Variants in NUP62 observed in about 807,000 individuals in gnomAD.
The protein encoded by NUP62 is nuclear pore glycoprotein p62.
For synonymous variants in NUP62, 305 were observed against 303.4 expected (o/e 1.01, Z -0.05); for missense variants, 647 against 689.4 (o/e 0.94, Z 0.69).
Position 49,928,586 on chromosome 19 carries a change from C to T in NUP62, c.-200+740G>A, listed in dbSNP as rs1192549776. Reference sequence around the variant, plus strand: ...TCTGTGCATAAGGCTTGCCAGACATCGTCTTATTTGAGTCTCATAAACCCA... The same window carrying T: ...TCTGTGCATAAGGCTTGCCAGACATTGTCTTATTTGAGTCTCATAAACCCA... On this transcript the variant is annotated intron_variant, in intron 1 of 2. Transcript: ENST00000352066. 9 of 151,762 alleles carry T rather than the reference C, an allele frequency of 5.9e-5. No individual in the cohort carries two copies. The East Asian group carries it at 1.7e-3, about 29-fold the overall frequency. The allele number at this position is 151,762 out of a possible 1,614,324, so 9.4% of individuals were successfully genotyped here.
At chr19:49,913,334 A>C (rs1486546208) in intron 2 of NUP62, among the ~76,000 whole-genome samples, 3 of 152,148 alleles carry the variant, frequency 2.0e-5, no homozygotes, top group East Asian at 1.9e-4. Flanking sequence ...GAGAATCTCT[A>C]TGTTCTTGAA....
intron 2 of NUP62, among the ~76,000 whole-genome samples, chr19:49,923,384 C>T (rs1025729616): frequency 1.3e-5 from 2 of 152,138 alleles, no homozygotes; most frequent in East Asian, 1.9e-4. Context: ...TTGATGCCTA[C>T]GGAAATAGCA....
intron 1 of NUP62, chr19:49,929,032 A>T (rs1394121783): frequency 2.6e-5 from 4 of 152,172 alleles, no homozygotes; most frequent in African/African-American, 9.7e-5. Flanking sequence ...GAGAGGGAGG[A>T]GGGTCCCGGA....
intron 2 of NUP62, chr19:49,917,615 C>G (rs2075657480): frequency 6.6e-6 from 1 of 152,350 alleles, no homozygotes; most frequent in South Asian, 2.1e-4. Context: ...CACCGAGACT[C>G]TGTGTGGGAG....
intron 2 of NUP62, among the ~76,000 whole-genome samples, chr19:49,924,152 T>C (rs572018295): frequency 6.6e-6 from 1 of 152,248 alleles, no homozygotes; most frequent in East Asian, 1.9e-4. Flanking sequence ...ACCATGGGCC[T>C]CGGGGCCCTG....
chr19:49,908,700 C>G lies in NUP62; in HGVS notation c.1108G>C (p.Glu370Gln). 2 of 1,612,496 alleles carry G rather than the reference C, an allele frequency of 1.2e-6. No individual in the cohort carries two copies. The highest frequency in any genetic ancestry group is 1.6e-4 in the Middle Eastern group (1 of 6,062). Residue 370 changes from glutamate to glutamine, a missense_variant, in exon 3 of 3, where the codon GAA (glutamate) becomes CAA (glutamine). Physicochemically the swap from Glu to Gln is conservative, Grantham distance 29 (BLOSUM62 2). Transcript: ENST00000352066. ...TCGCGGTGCAGGCTGGTGATCTTTTCTCCATTCTCGATCAGCGTGCGGTCC... is the reference window on the plus strand; with the variant it reads ...TCGCGGTGCAGGCTGGTGATCTTTTGTCCATTCTCGATCAGCGTGCGGTCC... Reference protein sequence around the residue: ...AWDRTLIENGEKITSLHREVE... With the variant: ...AWDRTLIENGQKITSLHREVE...
chr19:49,922,493 T>C (rs1374565825), intron 2 of NUP62, among the ~76,000 whole-genome samples: 1 of 151,716 alleles, frequency 6.6e-6, no homozygotes, highest in Admixed American at 6.6e-5. Context: ...TCACTGCTTG[T>C]AAAGTCCAGC....
intron 2 of NUP62, among the ~76,000 whole-genome samples, chr19:49,926,654 AGTCT>A (rs1417253945): frequency 2.0e-5 from 3 of 152,210 alleles, no homozygotes; most frequent in African/African-American, 7.2e-5. Context: ...TACCACTGGC[AGTCT>A]GCCCAACAGT....
chr19:49,910,151 G>A (rs1440634225), intron 2 of NUP62, among the ~76,000 whole-genome samples: 4 of 152,150 alleles, frequency 2.6e-5, no homozygotes, highest in African/African-American at 9.7e-5. Flanking sequence ...CGAGGCGGGA[G>A]AACAGGACCT....
intron 2 of NUP62, among the ~76,000 whole-genome samples, chr19:49,925,979 G>A (rs1188385354): frequency 7.9e-5 from 12 of 152,080 alleles, no homozygotes; most frequent in Non-Finnish European, 1.5e-5. Flanking sequence ...GGGAGGCTGA[G>A]GCAGGCAGAT....
In NUP62 at chr19:49,921,833, C is replaced by A. The variant is rs1051965650; in HGVS notation, c.-78+5861G>T. ...CCGGGTACTTTCCTCCGTGCCCAAGCAACCCTGTAGGAACCACATATCCTG... is the reference window on the plus strand; with the variant it reads ...CCGGGTACTTTCCTCCGTGCCCAAGAAACCCTGTAGGAACCACATATCCTG... On this transcript the variant is annotated intron_variant, in intron 2 of 2. Coordinates refer to ENST00000352066, the MANE Select transcript of NUP62 (RefSeq NM_016553.5). This position sits in a 1 kb window ranked among gnomAD's most constrained non-coding sequence, Gnocchi z 5.4. Among the ~76,000 whole-genome samples the A allele has an allele frequency of 6.6e-6, 1 of 152,242 alleles. No homozygotes were observed. Among genetic ancestry groups the A allele is most frequent in the Admixed American group, 6.5e-5 (1 of 15,292 alleles).
At chr19:49,914,174 A>G (rs1263713110) in intron 2 of NUP62, among the ~76,000 whole-genome samples, 1 of 152,220 alleles carries the variant, frequency 6.6e-6, no homozygotes, top group Non-Finnish European at 1.5e-5. Flanking sequence ...ACAAAAAGCC[A>G]CAAATACTAG....
chr19:49,914,166 A>C (rs925910789), intron 2 of NUP62, among the ~76,000 whole-genome samples: 2 of 152,208 alleles, frequency 1.3e-5, no homozygotes, highest in Non-Finnish European at 2.9e-5. Flanking sequence ...AACAAAAAAC[A>C]AAAAGCCACA....
chr19:49,918,290 C>G (rs1013669659), intron 2 of NUP62, among the ~76,000 whole-genome samples: 13 of 152,136 alleles, frequency 8.5e-5, no homozygotes, highest in African/African-American at 2.7e-4. Flanking sequence ...GTCTCCAACT[C>G]CTGGGCTGAA....
At chr19:49,915,929 G>A (rs1253000138) in intron 2 of NUP62, among the ~76,000 whole-genome samples, 3 of 152,232 alleles carry the variant, frequency 2.0e-5, no homozygotes, top group Non-Finnish European at 4.4e-5. Flanking sequence ...TGGGGATGGT[G>A]TCGGCTCCAC....
chr19:49,920,089 ATTT>A (rs894001021), intron 2 of NUP62, among the ~76,000 whole-genome samples: 1 of 147,060 alleles, frequency 6.8e-6, no homozygotes, highest in Non-Finnish European at 1.5e-5. Context: ...ACACCAGCTA[ATTT>A]TTTTTTTTTG....
At chr19:49,928,646 G>A (rs1402452947) in intron 1 of NUP62, 2 of 152,196 alleles carry the variant, frequency 1.3e-5, no homozygotes, top group East Asian at 1.9e-4. Flanking sequence ...TTACAGATAG[G>A]GAAATGAAGT....
Position 49,909,425 on chromosome 19 carries a change from G to A in NUP62, c.383C>T (p.Thr128Ile). The A allele has an allele frequency of 6.2e-7, 1 of 1,613,964 alleles. No individual in the cohort carries two copies. The highest frequency in any genetic ancestry group is 8.5e-7 in the Non-Finnish European group (1 of 1,180,028). The change falls in exon 3 of 3, where the codon ACC (threonine) becomes ATC (isoleucine). Residue 128 changes from threonine to isoleucine, a missense_variant. By Grantham distance (89) the Thr-to-Ile change is moderately conservative. Coordinates refer to ENST00000352066, the MANE Select transcript of NUP62 (RefSeq NM_016553.5). ...SSNLTNAISSTVTSSQGTAPT... is the reference protein window; with the variant it reads ...SSNLTNAISSIVTSSQGTAPT... ...TGCTGTGCCCTGGCTGGAGGTGACG[G>A]TGCTCGATATGGCATTAGTGAGGTT...
In NUP62 at chr19:49,908,179, A is replaced by G; in HGVS notation, c.*60T>C. 6.3e-7 allele frequency: 1 copy of G among 1,592,996 alleles called. No individual in the cohort carries two copies. ...TTGCCACAACCCCAAACTACAGACAACAGGGCGCATTCCCCTCATGAACTC... is the reference window on the plus strand; with the variant it reads ...TTGCCACAACCCCAAACTACAGACAGCAGGGCGCATTCCCCTCATGAACTC... On this transcript the variant is annotated 3_prime_UTR_variant, in exon 3 of 3. Transcript: ENST00000352066.
Sources: gnomAD v4.1 joint callset for allele counts (sites outside exome capture counted in the v4.1 genomes callset) on GRCh38, gnomAD v4.1.1 for gene constraint, Gnocchi (gnomAD v3.1) non-coding constraint, MANE v1.5 for transcripts, NCBI Gene and HGNC (gene_info 2026-07-23, HGNC 2026-07-21) for gene names.